Variants in NRCAM observed in about 807,000 individuals in gnomAD.
NRCAM encodes the protein NgCAM-related cell adhesion molecule.
A neutral mutation model predicts 156.5 loss-of-function variants in NRCAM; 83 were observed. The ratio of observed to expected loss-of-function variants is 0.53; its 90% CI spans 0.44 to 0.64. The LOEUF (loss-of-function observed/expected upper bound fraction) is 0.64. NRCAM is among the 30% of genes least tolerant of loss of function. The pLI is 0.00. For synonymous variants in NRCAM, 538 were observed against 563.9 expected, an observed-to-expected ratio of 0.95 and a Z score of 0.65; for missense variants, 1,417 against 1,597.3, an observed-to-expected ratio of 0.89 and a Z score of 1.92.
intron 3 of NRCAM, among the ~76,000 whole-genome samples, chr7:108,264,041 A>C (rs2096987325): frequency 6.6e-6 from 1 of 152,034 alleles, no homozygotes; most frequent in African/African-American, 2.4e-5. Context: ...GCAGTGGTGC[A>C]GTCTTGGCTC....
At chr7:108,346,073 T>G (rs2154280794) in intron 2 of NRCAM, among the ~76,000 whole-genome samples, 2 of 152,306 alleles carry the variant, frequency 1.3e-5, no homozygotes, top group South Asian at 4.1e-4. Context: ...CTACGGAGAC[T>G]AGCTGTGGTA....
intron 3 of NRCAM, among the ~76,000 whole-genome samples, chr7:108,266,213 A>G (rs1033439304): frequency 2.6e-5 from 4 of 152,256 alleles, no homozygotes; most frequent in Admixed American, 6.5e-5. Flanking sequence ...CAGATAACAC[A>G]GAAGCCATGT....
intron 2 of NRCAM, among the ~76,000 whole-genome samples, chr7:108,331,551 TATA>T (rs1221652836): frequency 6.6e-6 from 1 of 152,226 alleles, no homozygotes; most frequent in Non-Finnish European, 1.5e-5. Context: ...ATCAGGATAA[TATA>T]GTACCTTCTT....
chr7:108,317,083 C>T (rs188251785), intron 2 of NRCAM, among the ~76,000 whole-genome samples: 1 of 152,314 alleles, frequency 6.6e-6, no homozygotes, highest in East Asian at 1.9e-4. Context: ...AAAAGTTGCA[C>T]AGCATGGCCT....
At chr7:108,429,746 G>C (rs2154458342) in intron 1 of NRCAM, among the ~76,000 whole-genome samples, 1 of 152,246 alleles carries the variant, frequency 6.6e-6, no homozygotes, top group South Asian at 2.1e-4. Flanking sequence ...CAAAATCTCT[G>C]GCCTGTGCAG....
intron 5 of NRCAM, 57 bp downstream of exon 5, chr7:108,237,695 A>T: frequency 1.5e-6 from 2 of 1,355,276 alleles, no homozygotes; most frequent in Non-Finnish European, 2.0e-6. Context: ...TTAATTCAAA[A>T]AGCAAAGACA....
In NRCAM at chr7:108,209,094, C is replaced by T. The variant is rs2082704884; in HGVS notation, c.1075+327G>A. On this transcript the variant is annotated intron_variant, in intron 12 of 32. Coordinates refer to ENST00000379028, the MANE Select transcript of NRCAM (RefSeq NM_001037132.4). The stretch of plus-strand genomic sequence containing the variant: ...GAAGCTATGCAAATATCCTGTTTCT[C>T]CTTAAAGTTTCACCCACTAATTTTA... Among the ~76,000 whole-genome samples the T allele has an allele frequency of 1.3e-5, 2 of 152,168 alleles. 1 individual carries two copies. Among genetic ancestry groups the T allele is most frequent in the South Asian group, 4.1e-4 (2 of 4,828 alleles).
intron 31 of NRCAM, among the ~76,000 whole-genome samples, chr7:108,160,143 A>G (rs2048016472): frequency 6.6e-6 from 1 of 152,190 alleles, no homozygotes; most frequent in Non-Finnish European, 1.5e-5. Flanking sequence ...ATGTTTTCAG[A>G]GAACTGATTG....
chr7:108,351,024 G>A (rs2154293385), intron 2 of NRCAM, among the ~76,000 whole-genome samples: 1 of 152,290 alleles, frequency 6.6e-6, no homozygotes, highest in Admixed American at 6.5e-5. Flanking sequence ...GATTGAATGT[G>A]GAATTGAGGG....
chr7:108,168,538 C>T (rs973556629), intron 28 of NRCAM, 136 bp from the exon 29 acceptor site: 1 of 757,726 alleles, frequency 1.3e-6, no homozygotes, highest in African/African-American at 1.8e-5. Context: ...AGGGTTCACT[C>T]ATGCTTTGCT....
chr7:108,312,085 C>T (rs951486919), intron 3 of NRCAM, among the ~76,000 whole-genome samples: 1 of 152,032 alleles, frequency 6.6e-6, no homozygotes, highest in Non-Finnish European at 1.5e-5. Context: ...GCTGATAATG[C>T]TGAATGGCAT....
At chr7:108,297,547 T>C (rs1379079978) in intron 3 of NRCAM, among the ~76,000 whole-genome samples, 2 of 152,252 alleles carry the variant, frequency 1.3e-5, no homozygotes, top group African/African-American at 2.4e-5. Flanking sequence ...ATTCATTCAT[T>C]CATTTGTTCA....
chr7:108,225,368 G>A (rs950118863), intron 10 of NRCAM, among the ~76,000 whole-genome samples: 5 of 152,110 alleles, frequency 3.3e-5, no homozygotes, highest in African/African-American at 9.7e-5. Flanking sequence ...AATTCTGAAC[G>A]TACGTGAAAG....
chr7:108,407,089 T>C (rs2099809460), intron 1 of NRCAM, among the ~76,000 whole-genome samples: 1 of 152,236 alleles, frequency 6.6e-6, no homozygotes, highest in Admixed American at 6.5e-5. Flanking sequence ...CATGTTCATG[T>C]TTTGGTGTAT....
At chr7:108,409,923 T>C (rs1041964167) in intron 1 of NRCAM, among the ~76,000 whole-genome samples, 4 of 152,230 alleles carry the variant, frequency 2.6e-5, no homozygotes, top group Non-Finnish European at 5.9e-5. Context: ...ATCTTTCTTT[T>C]TAAAAGGTTG....
At chr7:108,360,967 T>G (rs986029629) in intron 2 of NRCAM, among the ~76,000 whole-genome samples, 1 of 152,012 alleles carries the variant, frequency 6.6e-6, no homozygotes, top group East Asian at 1.9e-4. Context: ...AAAATAACAC[T>G]CATATTGGGC....
At chr7:108,432,388 G>A (rs1265124795) in intron 1 of NRCAM, among the ~76,000 whole-genome samples, 1 of 152,176 alleles carries the variant, frequency 6.6e-6, no homozygotes, top group Non-Finnish European at 1.5e-5. Flanking sequence ...CAAGACTATG[G>A]ATTTCTACGA....
At chr7:108,259,230 T>C (rs1277393074) in intron 3 of NRCAM, among the ~76,000 whole-genome samples, 2 of 152,278 alleles carry the variant, frequency 1.3e-5, no homozygotes, top group African/African-American at 4.8e-5. Flanking sequence ...TTGATTCTTT[T>C]ACTCCATAAA....
intron 11 of NRCAM, among the ~76,000 whole-genome samples, chr7:108,222,797 A>T (rs1246832047): frequency 2.6e-5 from 4 of 152,126 alleles, no homozygotes; most frequent in Admixed American, 2.6e-4. Context: ...CTGAGATTCT[A>T]TTCCAGGTTT....
Sources: gnomAD v4.1 joint callset for allele counts (sites outside exome capture counted in the v4.1 genomes callset) on GRCh38, gnomAD v4.1.1 for gene constraint, MANE v1.5 for transcripts, NCBI Gene and HGNC (gene_info 2026-07-23, HGNC 2026-07-21) for gene names.